The following EPHA7 variants were observed in gnomAD, a reference collection of about 807,000 sequenced individuals.
EPHA7 encodes EPH receptor A7, also known as ephrin type-A receptor 7.
In EPHA7, 25 loss-of-function variants were observed where a neutral mutation model predicts 112.6. The ratio of observed to expected loss-of-function variants is 0.22; its 90% CI spans 0.16 to 0.31. The LOEUF (loss-of-function observed/expected upper bound fraction) is 0.31. Among genes scored for constraint, EPHA7 ranks in the 10% least tolerant of loss-of-function variants. The pLI is 1.00. For missense variants in EPHA7, 962 were observed against 1,212.6 expected, an observed-to-expected ratio of 0.79 and a Z score of 3.07; for synonymous variants, 437 against 406.5, an observed-to-expected ratio of 1.07 and a Z score of -0.90.
intron 5 of EPHA7, among the ~76,000 whole-genome samples, chr6:93,322,072 G>A (rs752739218): frequency 2.6e-5 from 4 of 151,504 alleles, no homozygotes; most frequent in Non-Finnish European, 5.9e-5. Flanking sequence ...ACAATACAAG[G>A]CTCAATATGT....
intron 3 of EPHA7, among the ~76,000 whole-genome samples, chr6:93,378,479 G>A (rs184283204): frequency 6.6e-6 from 1 of 152,220 alleles, no homozygotes; most frequent in Non-Finnish European, 1.5e-5. Flanking sequence ...AATTAGTTTA[G>A]CGGGAACTGG....
intron 5 of EPHA7, among the ~76,000 whole-genome samples, chr6:93,321,690 A>C (rs1168327892): frequency 6.6e-6 from 1 of 151,798 alleles, no homozygotes; most frequent in Non-Finnish European, 1.5e-5. Context: ...GGAAGTGATT[A>C]CTCCTTATAA....
rs764923746 is a variant in EPHA7, at chr6:93,410,595, G to A, written c.738C>T (p.Pro246=). 1.2e-6 allele frequency: 2 copies of A among 1,613,978 alleles called. No homozygotes were observed. The highest frequency in any genetic ancestry group is 1.7e-6 in the Non-Finnish European group (2 of 1,179,942). ...SSAEEEAENA[P]RMHCSAEGEW... ...CTCCTTCTGCACTGCAGTGCATCCT[G>A]GGGGCGTTTTCCGCTTCTTCCTCTG... The change falls in exon 3 of 17, where the codon CCC becomes CCT. Residue 246 remains proline (P), a synonymous_variant. Transcript: ENST00000369303. This position sits in a 1 kb window ranked among gnomAD's most constrained non-coding sequence, Gnocchi z 4.0.
chr6:93,404,375 A>G (rs989534270), intron 3 of EPHA7, among the ~76,000 whole-genome samples: 3 of 151,958 alleles, frequency 2.0e-5, no homozygotes, highest in Non-Finnish European at 4.4e-5. Context: ...TTATGTTCAT[A>G]AAAGACTTTG....
chr6:93,278,724 T>TTGTG (rs556021538), intron 5 of EPHA7, among the ~76,000 whole-genome samples: 11 of 150,970 alleles, frequency 7.3e-5, no homozygotes, highest in South Asian at 2.1e-4. Context: ...TTTGTTGTTG[T>TTGTG]TGTGTGTGTG....
chr6:93,400,454 C>A (rs930962535), intron 3 of EPHA7, among the ~76,000 whole-genome samples: 2 of 152,110 alleles, frequency 1.3e-5, no homozygotes, highest in African/African-American at 4.8e-5. Context: ...TGTGTTCTAT[C>A]CCTCCACACC....
At chr6:93,320,166 C>T (rs1423543317) in intron 5 of EPHA7, among the ~76,000 whole-genome samples, 1 of 151,980 alleles carries the variant, frequency 6.6e-6, no homozygotes, top group African/African-American at 2.4e-5. Context: ...GATTAGCTAA[C>T]CTCCTTGTGA....
intron 3 of EPHA7, among the ~76,000 whole-genome samples, chr6:93,384,549 C>T (rs1246625162): frequency 1.3e-5 from 2 of 152,182 alleles, no homozygotes; most frequent in Non-Finnish European, 2.9e-5. Context: ...ATCCTTCTCA[C>T]TCAAGCCCTA....
intron 3 of EPHA7, among the ~76,000 whole-genome samples, chr6:93,389,789 A>G (rs1777810928): frequency 6.6e-6 from 1 of 152,028 alleles, no homozygotes; most frequent in Non-Finnish European, 1.5e-5. Context: ...CTGAGTCCAC[A>G]GCACTATTCA....
At chr6:93,269,757 T>C (rs1342448535) in intron 6 of EPHA7, 97 bp from the exon 7 acceptor site, 9 of 958,978 alleles carry the variant, frequency 9.4e-6, no homozygotes, top group Non-Finnish European at 1.4e-5. Context: ...TCCATTGTTT[T>C]TATAGAGGCT....
rs149176909 is a variant in EPHA7, at chr6:93,286,444, G to A, written c.1325-14022C>T. ...TGGATTTTTAAAATGTAATCTGGCT[G>A]TACTGCTGCACTAAAAAATATGGTA... On this transcript the variant is annotated intron_variant, in intron 5 of 16. Transcript: ENST00000369303. Among the ~76,000 whole-genome samples the A allele has an allele frequency of 4.4e-3, 665 of 152,232 alleles. 6 individuals are homozygous for A. Among genetic ancestry groups the A allele is most frequent in the Non-Finnish European group, 6.1e-3 (414 of 68,018 alleles).
chr6:93,291,754 C>T (rs1772386668), intron 5 of EPHA7, among the ~76,000 whole-genome samples: 1 of 118,498 alleles, frequency 8.4e-6, no homozygotes, highest in African/African-American at 3.4e-5. Context: ...GGCGACAGAG[C>T]GAGACTCCGT....
At chr6:93,416,097 A>C (rs1368900212) in intron 1 of EPHA7, among the ~76,000 whole-genome samples, 1 of 152,152 alleles carries the variant, frequency 6.6e-6, no homozygotes, top group African/African-American at 2.4e-5. Flanking sequence ...ACAGGAAAAA[A>C]AAAAACTTGA....
chr6:93,339,858 C>G (rs1775058086), intron 5 of EPHA7, among the ~76,000 whole-genome samples: 1 of 151,632 alleles, frequency 6.6e-6, no homozygotes, highest in South Asian at 2.1e-4. Flanking sequence ...CAAATCATTC[C>G]TAAATACTAA....
chr6:93,412,390 C>T (rs1023222420), intron 2 of EPHA7, among the ~76,000 whole-genome samples: 2 of 151,998 alleles, frequency 1.3e-5, no homozygotes, highest in Non-Finnish European at 2.9e-5. Flanking sequence ...TTAATGTATA[C>T]TTTTAAAACC....
intron 15 of EPHA7, 150 bp from the exon 16 acceptor site, chr6:93,245,603 C>T (rs530679092): frequency 4.4e-5 from 32 of 721,444 alleles, no homozygotes; most frequent in Non-Finnish European, 5.2e-5. Context: ...CTAATAAAAA[C>T]CTAAAGCATC....
chr6:93,340,280 A>C (rs1775077880), intron 5 of EPHA7, among the ~76,000 whole-genome samples: 1 of 151,866 alleles, frequency 6.6e-6, no homozygotes, highest in South Asian at 2.1e-4. Context: ...TCAGTAATGA[A>C]TCTTCTTGAC....
chr6:93,383,502 T>C (rs187646368), intron 3 of EPHA7, among the ~76,000 whole-genome samples: 88 of 152,190 alleles, frequency 5.8e-4, no homozygotes, highest in African/African-American at 2.0e-3. Context: ...CCCTGAACTC[T>C]TGCACTTCAC....
chr6:93,278,724 TTGTG>T (rs556021538), intron 5 of EPHA7, among the ~76,000 whole-genome samples: 2 of 150,970 alleles, frequency 1.3e-5, no homozygotes, highest in Non-Finnish European at 3.0e-5. Flanking sequence ...TTTGTTGTTG[TTGTG>T]TGTGTGTGTG....
Sources: gnomAD v4.1 joint callset for allele counts (sites outside exome capture counted in the v4.1 genomes callset) on GRCh38, gnomAD v4.1.1 for gene constraint, Gnocchi (gnomAD v3.1) non-coding constraint, MANE v1.5 for transcripts, NCBI Gene and HGNC (gene_info 2026-07-23, HGNC 2026-07-21) for gene names.